Variants in SEMA4F observed in about 807,000 individuals in gnomAD.
The protein encoded by SEMA4F is semaphorin-4F.
In SEMA4F, 51 loss-of-function variants were observed where a neutral mutation model predicts 78.4. That is an observed-to-expected ratio of 0.65 (90% CI 0.52 to 0.82). The LOEUF is 0.82. Among genes scored for constraint, SEMA4F ranks in the 40% least tolerant of loss-of-function variants. The pLI is 0.00. For synonymous variants in SEMA4F, 418 were observed against 408.7 expected, an observed-to-expected ratio of 1.02 and a Z score of -0.27; for missense variants, 938 against 1,014.4, an observed-to-expected ratio of 0.92 and a Z score of 1.02.
chr2:74,667,964 T>C (rs1684780084), intron 5 of SEMA4F, among the ~76,000 whole-genome samples: 1 of 152,192 alleles, frequency 6.6e-6, no homozygotes. Flanking sequence ...ACATCTTCAG[T>C]TGGATGTCCC....
At chr2:74,656,781 G>C in intron 2 of SEMA4F, 96 bp downstream of exon 2, 1 of 1,319,156 alleles carries the variant, frequency 7.6e-7, no homozygotes. Flanking sequence ...AATAACTAAA[G>C]ATGTAACAGC....
chr2:74,654,322 G>A lies in SEMA4F; in HGVS notation c.-55G>A. On this transcript the variant is annotated 5_prime_UTR_variant, in exon 1 of 14. Coordinates refer to ENST00000357877, the MANE Select transcript of SEMA4F (RefSeq NM_004263.5). Reference sequence around the variant, plus strand: ...GTGGGGCCGAGGCCAGTAGCCCCGGGGCCCTGAGCAGAGGCCGTAGCTTGC... The same window carrying A: ...GTGGGGCCGAGGCCAGTAGCCCCGGAGCCCTGAGCAGAGGCCGTAGCTTGC... 2.9e-6 allele frequency: 4 copies of A among 1,392,454 alleles called. No individual in the cohort carries two copies. The highest frequency in any genetic ancestry group is 3.7e-6 in the Non-Finnish European group (4 of 1,079,552). The allele number at this position is 1,392,454 out of a possible 1,614,324, so 86.3% of individuals were successfully genotyped here. A position where few individuals can be genotyped will look rare whatever the true frequency, so the allele number is the denominator to read the frequency against.
At chr2:74,657,446 A>G in intron 2 of SEMA4F, 119 bp from the exon 3 acceptor site, 1 of 834,420 alleles carries the variant, frequency 1.2e-6, no homozygotes, top group Non-Finnish European at 2.0e-6. Flanking sequence ...ACAATGCTCT[A>G]GGGGGACTTT....
At chr2:74,694,263 A>C in the SEMA4F span, among the ~76,000 whole-genome samples, 1 of 151,968 alleles carries the variant, frequency 6.6e-6, no homozygotes, top group East Asian at 1.9e-4. Flanking sequence ...TAATGCACTT[A>C]GATTTTCCAG....
chr2:74,691,997 A>C, the SEMA4F span, among the ~76,000 whole-genome samples: 2 of 152,030 alleles, frequency 1.3e-5, no homozygotes, highest in Admixed American at 6.6e-5. Context: ...AGGCCTGACC[A>C]CCCTCCGATG....
At chr2:74,685,040 CTT>C (rs1685787598), downstream of SEMA4F, among the ~76,000 whole-genome samples, 1 of 152,332 alleles carries the variant, frequency 6.6e-6, no homozygotes, top group Non-Finnish European at 1.5e-5. Context: ...CTGATGTCCT[CTT>C]TGTTTCTTTT....
downstream of SEMA4F, among the ~76,000 whole-genome samples, chr2:74,684,134 A>C (rs183608959): frequency 1.9e-4 from 29 of 151,730 alleles, 1 homozygote; most frequent in East Asian, 2.1e-3. Context: ...GTTTCATCAT[A>C]ATAATATAGG....
At chr2:74,688,133 C>G (rs1179937504), downstream of SEMA4F, among the ~76,000 whole-genome samples, 1 of 152,126 alleles carries the variant, frequency 6.6e-6, no homozygotes, top group African/African-American at 2.4e-5. Context: ...TCAGGTCATA[C>G]AGTTAGTTTG....
At chr2:74,698,204 C>A in the SEMA4F span, among the ~76,000 whole-genome samples, 1 of 152,174 alleles carries the variant, frequency 6.6e-6, no homozygotes, top group Admixed American at 6.5e-5. Context: ...CCAGTTAAAT[C>A]ATGAATTCAA....
the SEMA4F span, among the ~76,000 whole-genome samples, chr2:74,699,495 A>G: frequency 6.6e-6 from 1 of 152,268 alleles, no homozygotes. Context: ...AAGATGCCAC[A>G]TAGGCTGTTG....
At position 74,673,497 on chromosome 2, in the gene SEMA4F, GA is replaced by G; in HGVS notation, c.592del (p.Thr198ArgfsTer25). ...YAATVKNYLGTEPIITRAVGR... is the reference protein window; with the variant it reads ...YAATVKNYLGXEPIITRAVGR... The stretch of plus-strand genomic sequence containing the variant: ...CTGCCACTGTGAAAAACTACCTGGG[GA>G]CGGAGCCAATTATCACCAGAGCAGT... On this transcript the variant is annotated frameshift_variant, in exon 6 of 14. Transcript: ENST00000357877. LOFTEE classifies it high-confidence loss of function. 6.2e-7 allele frequency: 1 copy of G among 1,614,156 alleles called. No homozygotes were observed.
chr2:74,663,416 A>G (rs1273351397), intron 5 of SEMA4F, among the ~76,000 whole-genome samples: 1 of 152,226 alleles, frequency 6.6e-6, no homozygotes, highest in African/African-American at 2.4e-5. Flanking sequence ...ATTATTGCTA[A>G]TATTTTAGGA....
At chr2:74,655,350 T>C (rs1207205755) in intron 1 of SEMA4F, 2 of 353,592 alleles carry the variant, frequency 5.7e-6, no homozygotes, top group South Asian at 4.7e-5. Flanking sequence ...AGGTTAAAAG[T>C]GATCATTGGG....
chr2:74,674,871 C>T lies in SEMA4F; in HGVS notation c.1002-17C>T, dbSNP rs369266729. The T allele has an allele frequency of 6.2e-7, 1 of 1,613,404 alleles. No homozygotes were observed. The highest frequency in any genetic ancestry group is 1.1e-5 in the South Asian group (1 of 91,024). On this transcript the variant is annotated splice_polypyrimidine_tract_variant and intron_variant, in intron 8 of 13. Transcript: ENST00000357877. ...CCAGACCCCTCCATATATCCAGCTC[C>T]AACCTGTGAATTCCAGGGAGGGGGC... is the stretch of plus-strand genomic sequence containing the variant.
At chr2:74,662,676 C>T (rs1684486081) in intron 4 of SEMA4F, 56 bp from the exon 5 acceptor site, 1 of 1,413,566 alleles carries the variant, frequency 7.1e-7, no homozygotes, top group Admixed American at 1.7e-5. Flanking sequence ...CTTTGTAATT[C>T]TCACCATGAA....
At chr2:74,689,298 A>G in the SEMA4F span, among the ~76,000 whole-genome samples, 2 of 152,128 alleles carry the variant, frequency 1.3e-5, no homozygotes, top group Non-Finnish European at 2.9e-5. Context: ...TTAAAATAAG[A>G]TGTTTTTCTG....
intron 12 of SEMA4F, among the ~76,000 whole-genome samples, chr2:74,678,497 T>G (rs2105015276): frequency 6.6e-6 from 1 of 152,346 alleles, no homozygotes; most frequent in Non-Finnish European, 1.5e-5. Context: ...GGGACCTCAA[T>G]TCATATTGAA....
the SEMA4F span, among the ~76,000 whole-genome samples, chr2:74,697,932 T>C: frequency 1.3e-5 from 2 of 152,072 alleles, no homozygotes; most frequent in Admixed American, 6.5e-5. Context: ...TGCACTGGCC[T>C]CAGCCACCCC....
At chr2:74,704,069 T>C in the SEMA4F span, among the ~76,000 whole-genome samples, 1 of 152,048 alleles carries the variant, frequency 6.6e-6, no homozygotes, top group African/African-American at 2.4e-5. Context: ...AGGAAATAGA[T>C]TGGTTCTTTG....
Sources: gnomAD v4.1 joint callset for allele counts (sites outside exome capture counted in the v4.1 genomes callset) on GRCh38, gnomAD v4.1.1 for gene constraint, MANE v1.5 for transcripts, NCBI Gene and HGNC (gene_info 2026-07-23, HGNC 2026-07-21) for gene names.